KIAA1549: variants seen among roughly 807,000 people sequenced by gnomAD.
KIAA1549 encodes KIAA1549.
Under a neutral mutation model 156.4 loss-of-function variants are expected in KIAA1549, and 70 were observed. That is an observed-to-expected ratio of 0.45 (90% confidence interval 0.37 to 0.55). The LOEUF (loss-of-function observed/expected upper bound fraction) is 0.55. Ranked by LOEUF, KIAA1549 falls within the 20% of genes least tolerant of loss-of-function variation. The pLI, the probability that KIAA1549 is intolerant of heterozygous loss-of-function variation, is 0.00. For missense variants in KIAA1549, 2,428 were observed against 2,540.9 expected (o/e 0.96, Z 0.96); for synonymous variants, 1,103 against 1,066.4 (o/e 1.03, Z -0.67).
intron 16 of KIAA1549, among the ~76,000 whole-genome samples, chr7:138,855,616 C>T (rs1418493226): frequency 6.6e-6 from 1 of 152,210 alleles, no homozygotes; most frequent in African/African-American, 2.4e-5. Flanking sequence ...TCGCAGGTGC[C>T]TGACAAAGCC....
At chr7:138,931,816 T>A (rs192263441) in intron 1 of KIAA1549, among the ~76,000 whole-genome samples, 3 of 151,886 alleles carry the variant, frequency 2.0e-5, no homozygotes, top group African/African-American at 7.2e-5. Context: ...CAGTCTTTTG[T>A]TATTGTTTGA....
intron 12 of KIAA1549, chr7:138,876,304 T>C (rs933367778): frequency 1.3e-5 from 2 of 152,278 alleles, no homozygotes; most frequent in African/African-American, 2.4e-5. Context: ...AAAAACTTCA[T>C]TGTTATATGT....
chr7:138,861,225 T>C lies in KIAA1549; in HGVS notation c.5161A>G (p.Asn1721Asp), dbSNP rs1400157952. 2 of 1,613,250 alleles carry C rather than the reference T, an allele frequency of 1.2e-6. No homozygotes were observed. Among genetic ancestry groups the C allele is most frequent in the Non-Finnish European group, 1.7e-6 (2 of 1,179,768 alleles). The stretch of plus-strand genomic sequence containing the variant: ...CTCTCTTCCTGGGAAGGGGTGCTGT[T>C]TGCGGGCAGGCCGGGTGGGACTCCG... ...GPGVPPGLPA[N>D]STPSQEERRA... Residue 1721 changes from asparagine (N) to aspartate (D), a missense_variant, in exon 16 of 20, where the codon AAC (asparagine) becomes GAC (aspartate). Coordinates refer to ENST00000422774, the MANE Select transcript of KIAA1549 (RefSeq NM_001164665.2).
At chr7:138,929,392 T>C (rs1563082302) in intron 1 of KIAA1549, among the ~76,000 whole-genome samples, 1 of 152,244 alleles carries the variant, frequency 6.6e-6, no homozygotes. Flanking sequence ...AGTGCTGCAA[T>C]TCGTCATGTC....
At chr7:138,915,836 T>A (rs1226029387) in intron 2 of KIAA1549, among the ~76,000 whole-genome samples, 1 of 152,140 alleles carries the variant, frequency 6.6e-6, no homozygotes, top group Admixed American at 6.5e-5. Context: ...CACATACACC[T>A]GTCATGTCTC....
chr7:138,969,057 T>C (rs1814133430), intron 1 of KIAA1549, among the ~76,000 whole-genome samples: 1 of 152,188 alleles, frequency 6.6e-6, no homozygotes, highest in East Asian at 1.9e-4. Flanking sequence ...CCAATAGTTA[T>C]CTTTTCTGCT....
rs767904035 is a variant in KIAA1549, at chr7:138,834,972, G to GA, written c.*2933dup. ...GTCAGTGAGTGACAAAGTAGTCTCT[G>GA]AAAAAAAAAAAAACAACATTTCTCC... On this transcript the variant is annotated 3_prime_UTR_variant, in exon 20 of 20. Coordinates refer to ENST00000422774, the MANE Select transcript of KIAA1549 (RefSeq NM_001164665.2). 0.12 allele frequency: 19,855 copies of GA among 168,606 alleles called. 798 individuals carry two copies. The highest frequency in any genetic ancestry group is 0.22 in the African/African-American group (8,661 of 38,808). 10.4% of individuals were successfully genotyped at this position (168,606 alleles called of 1,614,324 possible).
intron 16 of KIAA1549, among the ~76,000 whole-genome samples, chr7:138,852,856 C>A (rs1258270702): frequency 1.3e-5 from 2 of 152,200 alleles, no homozygotes; most frequent in African/African-American, 2.4e-5. Context: ...TTTACTGGTC[C>A]CCAGGAGACC....
chr7:138,905,567 A>G (rs2130455398), intron 6 of KIAA1549, among the ~76,000 whole-genome samples: 1 of 152,394 alleles, frequency 6.6e-6, no homozygotes, highest in East Asian at 1.9e-4. Flanking sequence ...ACTTTCATAT[A>G]GAATAACTTC....
chr7:138,889,650 T>C (rs1197623701), intron 10 of KIAA1549, among the ~76,000 whole-genome samples: 1 of 152,206 alleles, frequency 6.6e-6, no homozygotes, highest in Non-Finnish European at 1.5e-5. Context: ...ATAAATGAAA[T>C]ATACAAGTCC....
intron 12 of KIAA1549, chr7:138,876,459 C>G (rs1218783588): frequency 6.6e-6 from 1 of 152,196 alleles, no homozygotes; most frequent in Non-Finnish European, 1.5e-5. Flanking sequence ...GCTGCTGAAG[C>G]GAGCACTGCA....
At chr7:138,869,850 A>ATGTT in intron 13 of KIAA1549, 89 bp from the exon 14 acceptor site, 3 of 901,726 alleles carry the variant, frequency 3.3e-6, no homozygotes, top group Non-Finnish European at 5.0e-6. Flanking sequence ...ATTTATTTTT[A>ATGTT]TGTTTATTTA....
At chr7:138,869,176 G>C (rs539745071) in intron 14 of KIAA1549, among the ~76,000 whole-genome samples, 2 of 152,286 alleles carry the variant, frequency 1.3e-5, no homozygotes, top group South Asian at 4.1e-4. Flanking sequence ...GAAGAGCCAA[G>C]GACACCACAG....
chr7:138,937,913 GC>G (rs1346260812), intron 1 of KIAA1549, among the ~76,000 whole-genome samples: 1 of 152,158 alleles, frequency 6.6e-6, no homozygotes, highest in Non-Finnish European at 1.5e-5. Flanking sequence ...TGACTTCCAA[GC>G]CCTCCAGGGA....
In KIAA1549 at chr7:138,981,087, G is replaced by C. The variant is rs1021898588; in HGVS notation, c.183C>G (p.Ala61=). 1 of 1,224,892 alleles carries C rather than the reference G, an allele frequency of 8.2e-7. No homozygotes were observed. 75.9% of individuals were successfully genotyped at this position (1,224,892 alleles called of 1,614,324 possible). Reference sequence around the variant, plus strand: ...GAGGGTCTCGGCGGAGCTTACCTGGGGCGCACGAGGCCGGCCGGGCCAGCA... The same window carrying C: ...GAGGGTCTCGGCGGAGCTTACCTGGCGCGCACGAGGCCGGCCGGGCCAGCA... ...LLLLARPASC[A]PDELSPEQHN... The change falls in exon 1 of 20, where the codon GCC becomes GCG. Residue 61 remains alanine, a synonymous_variant. Transcript: ENST00000422774. This position sits in a 1 kb window ranked among gnomAD's most constrained non-coding sequence, Gnocchi z 4.5.
chr7:138,918,395 G>T lies in KIAA1549; in HGVS notation c.1231C>A (p.Pro411Thr). The T allele has an allele frequency of 6.2e-7, 1 of 1,613,972 alleles. No homozygotes were observed. The change falls in exon 2 of 20, where the codon CCG becomes ACG. Residue 411 changes from proline to threonine, a missense_variant. Around this residue, in one of 5 missense-constraint regions of KIAA1549, gnomAD observed 893 missense variants for 847.9 expected, o/e 1.05. Transcript: ENST00000422774. This position sits in a 1 kb window ranked among gnomAD's most constrained non-coding sequence, Gnocchi z 4.2. ...GPVDNTHILS[P>T]VSSFRPYTWC... is the part of the protein sequence containing the mutation. Reference sequence around the variant, plus strand: ...GTGTATGGTCTGAATGAGGACACCGGGCTCAGGATATGAGTGTTGTCCACA... The same window carrying T: ...GTGTATGGTCTGAATGAGGACACCGTGCTCAGGATATGAGTGTTGTCCACA...
rs533518051 is a variant in KIAA1549 at position 138,926,291 on chromosome 7, TTTTTC to T, written c.188-6858_188-6854del. On this transcript the variant is annotated intron_variant, in intron 1 of 19. Transcript: ENST00000422774. ...AGCAACTTTTTCCTTTTTCTTTTTCTTTTTCTTTTTTTTTGAGACAGGTTTTGTTG... is the reference window on the plus strand; with the variant it reads ...AGCAACTTTTTCCTTTTTCTTTTTCTTTTTTTTTTGAGACAGGTTTTGTTG... Among the ~76,000 whole-genome samples, 438 of 147,494 alleles carry T rather than the reference TTTTTC, an allele frequency of 3.0e-3. 3 individuals are homozygous for T. The highest frequency in any genetic ancestry group is 4.0e-3 in the Non-Finnish European group (270 of 66,706).
intron 1 of KIAA1549, among the ~76,000 whole-genome samples, chr7:138,967,431 G>T (rs913555186): frequency 9.9e-5 from 15 of 152,186 alleles, no homozygotes; most frequent in African/African-American, 3.4e-4. Context: ...AGATGAGAAA[G>T]TTCTAGGCAG....
intron 1 of KIAA1549, among the ~76,000 whole-genome samples, chr7:138,952,693 C>T (rs1813536595): frequency 6.6e-6 from 1 of 152,160 alleles, no homozygotes; most frequent in African/African-American, 2.4e-5. Context: ...TTTCATGCAA[C>T]TTGGCATTGG....
Sources: gnomAD v4.1 joint callset for allele counts (sites outside exome capture counted in the v4.1 genomes callset) on GRCh38, gnomAD v4.1.1 for gene constraint, gnomAD v4.1.1 regional missense constraint, Gnocchi (gnomAD v3.1) non-coding constraint, MANE v1.5 for transcripts, NCBI Gene and HGNC (gene_info 2026-07-23, HGNC 2026-07-21) for gene names.